The following EFCAB6 variants were observed in gnomAD, a reference collection of about 807,000 sequenced individuals.
EFCAB6 encodes EF-hand calcium binding domain 6.
In EFCAB6, 156 loss-of-function variants were observed where a neutral mutation model predicts 169.8. The observed-to-expected ratio is 0.92, with a 90% CI of 0.81 to 1.05. The LOEUF (loss-of-function observed/expected upper bound fraction) is 1.05. Among genes scored for constraint, EFCAB6 ranks in the 50% least tolerant of loss-of-function variants. The pLI, the probability that EFCAB6 is intolerant of heterozygous loss-of-function variation, is 0.00. For missense variants in EFCAB6, 1,800 were observed against 1,829.1 expected, an observed-to-expected ratio of 0.98 and a Z score of 0.29; for synonymous variants, 698 against 676.4, an observed-to-expected ratio of 1.03 and a Z score of -0.50.
At chr22:43,599,162 A>G (rs543937737) in intron 23 of EFCAB6, among the ~76,000 whole-genome samples, 5 of 152,148 alleles carry the variant, frequency 3.3e-5, no homozygotes, top group Non-Finnish European at 7.4e-5. Flanking sequence ...AGGCATGGGC[A>G]ATTTCATGCT....
Position 43,608,605 on chromosome 22 carries a change from A to C in EFCAB6, c.2563-5T>G. 1 of 1,613,380 alleles carries C rather than the reference A, an allele frequency of 6.2e-7. No individual in the cohort carries two copies. The highest frequency in any genetic ancestry group is 2.2e-5 in the East Asian group (1 of 44,878). ...ATTATCGGTTTCTAGAAAATTCTAC[A>C]ACATCAGAATACGGTATTTAGGAAC... On this transcript the variant is annotated splice_region_variant and splice_polypyrimidine_tract_variant and intron_variant, in intron 21 of 31. Coordinates refer to ENST00000262726, the MANE Select transcript of EFCAB6 (RefSeq NM_022785.4).
chr22:43,781,200 CT>C (rs2061811850), intron 3 of EFCAB6, among the ~76,000 whole-genome samples: 1 of 152,174 alleles, frequency 6.6e-6, no homozygotes, highest in Non-Finnish European at 1.5e-5. Context: ...AATTCTGTTG[CT>C]TTTAAAACTG....
intron 8 of EFCAB6, among the ~76,000 whole-genome samples, chr22:43,730,501 C>T (rs2059909638): frequency 6.6e-6 from 1 of 151,662 alleles, no homozygotes; most frequent in South Asian, 2.1e-4. Flanking sequence ...TCCTCATTTT[C>T]TTGAGTTTCG....
chr22:43,578,802 AC>A, intron 25 of EFCAB6, among the ~76,000 whole-genome samples: 1 of 75,870 alleles, frequency 1.3e-5, no homozygotes, highest in South Asian at 3.9e-4. Flanking sequence ...ATCATTCCCT[AC>A]ATGCAGGCAT....
intron 24 of EFCAB6, among the ~76,000 whole-genome samples, chr22:43,584,470 T>G (rs1280365674): frequency 6.6e-6 from 1 of 151,950 alleles, no homozygotes; most frequent in Non-Finnish European, 1.5e-5. Context: ...GGGCTTTAAC[T>G]TCAGGAGTCT....
chr22:43,548,500 ACTGCACCCCGGT>A (rs1194651228), intron 27 of EFCAB6, among the ~76,000 whole-genome samples: 1 of 127,672 alleles, frequency 7.8e-6, no homozygotes, highest in Admixed American at 9.7e-5. Flanking sequence ...AGATCAAGCC[ACTGCACCCCGGT>A]CTGGGTGACA....
chr22:43,632,014 T>C (rs575962609), intron 19 of EFCAB6, 91 bp downstream of exon 19: 3 of 1,522,624 alleles, frequency 2.0e-6, no homozygotes, highest in African/African-American at 1.4e-5. Context: ...GACTGGGACA[T>C]GACCTACACC....
intron 27 of EFCAB6, among the ~76,000 whole-genome samples, chr22:43,551,268 C>T (rs2147154741): frequency 6.6e-6 from 1 of 152,340 alleles, no homozygotes; most frequent in East Asian, 1.9e-4. Flanking sequence ...GGAGGAAATG[C>T]ATGGAGCTCT....
intron 12 of EFCAB6, 80 bp downstream of exon 12, chr22:43,683,667 G>A (rs1254430957): frequency 2.0e-6 from 2 of 995,922 alleles, no homozygotes; most frequent in Non-Finnish European, 1.6e-6. Flanking sequence ...CGAATATGGA[G>A]TTGTTATTGG....
At chr22:43,588,256 A>G (rs756942453) in intron 24 of EFCAB6, among the ~76,000 whole-genome samples, 23 of 152,366 alleles carry the variant, frequency 1.5e-4, no homozygotes, top group South Asian at 6.2e-4. Flanking sequence ...CTTAGTATGG[A>G]CATATTTTTG....
chr22:43,623,948 AGG>A (rs2054310155), intron 20 of EFCAB6, among the ~76,000 whole-genome samples: 1 of 151,612 alleles, frequency 6.6e-6, no homozygotes, highest in African/African-American at 2.4e-5. Flanking sequence ...AGAAAAAGAA[AGG>A]GGTGGTATCC....
intron 10 of EFCAB6, among the ~76,000 whole-genome samples, chr22:43,698,557 A>T (rs944245946): frequency 6.6e-6 from 1 of 152,174 alleles, no homozygotes; most frequent in Non-Finnish European, 1.5e-5. Context: ...CACATACCCC[A>T]TATCACCCAG....
chr22:43,691,295 A>C (rs1414491193), intron 10 of EFCAB6, among the ~76,000 whole-genome samples: 1 of 152,196 alleles, frequency 6.6e-6, no homozygotes, highest in African/African-American at 2.4e-5. Flanking sequence ...TGTTCATCTT[A>C]AATTTCAGCA....
chr22:43,547,746 A>G (rs2048142263), intron 27 of EFCAB6, among the ~76,000 whole-genome samples: 1 of 149,990 alleles, frequency 6.7e-6, no homozygotes, highest in Admixed American at 6.6e-5. Context: ...GCCTGGGGAA[A>G]AAAAGAAAAA....
intron 26 of EFCAB6, among the ~76,000 whole-genome samples, chr22:43,568,262 C>T (rs957060764): frequency 6.6e-6 from 1 of 152,202 alleles, no homozygotes; most frequent in African/African-American, 2.4e-5. Context: ...ACATAAGCAG[C>T]CACACTATAA....
chr22:43,782,390 T>C, intron 2 of EFCAB6, 65 bp from the exon 3 acceptor site: 1 of 1,393,128 alleles, frequency 7.2e-7, no homozygotes, highest in East Asian at 2.3e-5. Flanking sequence ...GTGGCCAATT[T>C]CCTATCTATT....
In EFCAB6 at chr22:43,588,697, C is replaced by T. The variant is rs6006695; in HGVS notation, c.3032+1377G>A. On this transcript the variant is annotated intron_variant, in intron 24 of 31. Transcript: ENST00000262726. The stretch of plus-strand genomic sequence containing the variant: ...CTAAGAATTTAGAACATGAAAAGGG[C>T]AATCTTCAAGAAGATGAAGCTGACA... Among the ~76,000 whole-genome samples the T allele has an allele frequency of 6.7e-3, 1,021 of 151,876 alleles. 15 individuals carry two copies. The highest frequency in any genetic ancestry group is 0.024 in the African/African-American group (979 of 41,392).
At chr22:43,704,631 G>A (rs1359578942) in intron 10 of EFCAB6, among the ~76,000 whole-genome samples, 1 of 152,028 alleles carries the variant, frequency 6.6e-6, no homozygotes, top group African/African-American at 2.4e-5. Flanking sequence ...ATTAAATGAG[G>A]GGGATAAAAG....
At chr22:43,701,184 A>C (rs901848376) in intron 10 of EFCAB6, among the ~76,000 whole-genome samples, 8 of 152,162 alleles carry the variant, frequency 5.3e-5, no homozygotes, top group African/African-American at 7.2e-5. Flanking sequence ...TTGAGAGGGT[A>C]GCAAAAGAAA....
Sources: gnomAD v4.1 joint callset for allele counts (sites outside exome capture counted in the v4.1 genomes callset) on GRCh38, gnomAD v4.1.1 for gene constraint, MANE v1.5 for transcripts, NCBI Gene and HGNC (gene_info 2026-07-23, HGNC 2026-07-21) for gene names.